PTAR1: variants seen among roughly 807,000 people sequenced by gnomAD.
PTAR1 encodes protein prenyltransferase alpha subunit repeat-containing protein 1.
In PTAR1, 17 loss-of-function variants were observed where a neutral mutation model predicts 45.5. That is an observed-to-expected ratio of 0.37 (90% CI 0.26 to 0.56). The LOEUF (loss-of-function observed/expected upper bound fraction) is 0.56. Ranked by LOEUF, PTAR1 falls within the 20% of genes least tolerant of loss-of-function variation. The probability of loss-of-function intolerance (pLI) is 0.77; values close to 1 mark genes in which losing one functional copy is unlikely to be tolerated. For missense variants in PTAR1, 391 were observed against 476.3 expected (o/e 0.82, Z 1.67); for synonymous variants, 169 against 171.3 (o/e 0.99, Z 0.11).
At chr9:69,748,600 C>T (rs1365453430) in intron 2 of PTAR1, among the ~76,000 whole-genome samples, 1 of 152,100 alleles carries the variant, frequency 6.6e-6, no homozygotes, top group Admixed American at 6.6e-5. Context: ...ATCGATCACA[C>T]AGACAGACAT....
intron 5 of PTAR1, among the ~76,000 whole-genome samples, chr9:69,726,431 T>A (rs2134092279): frequency 6.6e-6 from 1 of 152,216 alleles, no homozygotes; most frequent in African/African-American, 2.4e-5. Flanking sequence ...TCTACTCTTG[T>A]ATAAGTAACA....
chr9:69,740,092 A>T (rs1437075907), intron 3 of PTAR1, among the ~76,000 whole-genome samples: 1 of 152,216 alleles, frequency 6.6e-6, no homozygotes. Context: ...TTAACTTATG[A>T]AACAGGACTA....
chr9:69,718,148 G>T lies in PTAR1; in HGVS notation c.*194C>A. The T allele has an allele frequency of 2.0e-6, 1 of 509,108 alleles. No individual in the cohort carries two copies. Among genetic ancestry groups the T allele is most frequent in the Non-Finnish European group, 3.5e-6 (1 of 287,558 alleles). The allele number at this position is 509,108 out of a possible 1,614,324, so 31.5% of individuals were successfully genotyped here. A position where few individuals can be genotyped will look rare whatever the true frequency, so the allele number is the denominator to read the frequency against. The stretch of plus-strand genomic sequence containing the variant: ...GCTGTTCAGCAGGAAGGAACTATAC[G>T]ATTATTTTATCCCCACAGGAATGCC... On this transcript the variant is annotated 3_prime_UTR_variant, in exon 8 of 8. Coordinates refer to ENST00000340434, the MANE Select transcript of PTAR1 (RefSeq NM_001099666.2).
intron 3 of PTAR1, among the ~76,000 whole-genome samples, chr9:69,736,492 G>T (rs944096977): frequency 6.6e-6 from 1 of 152,152 alleles, no homozygotes; most frequent in Non-Finnish European, 1.5e-5. Context: ...AGGAGGCAGA[G>T]GTTGCAGTGA....
rs1405630672 is a variant in PTAR1, at chr9:69,712,857, G to C, written c.*5485C>G. 6.6e-6 allele frequency: 1 copy of C among 152,018 alleles called. No homozygotes were observed. The highest frequency in any genetic ancestry group is 1.5e-5 in the Non-Finnish European group (1 of 67,996). 9.4% of individuals were successfully genotyped at this position (152,018 alleles called of 1,614,324 possible). On this transcript the variant is annotated 3_prime_UTR_variant, in exon 8 of 8. Transcript: ENST00000340434. ...AGAAGACACGAGAATGTTCATACTA[G>C]AGCCATAGGGACCAAAGCAGCAAGA...
chr9:69,744,787 C>T (rs1264530998), intron 2 of PTAR1, among the ~76,000 whole-genome samples: 1 of 152,146 alleles, frequency 6.6e-6, no homozygotes, highest in Non-Finnish European at 1.5e-5. Flanking sequence ...AATACATGTT[C>T]AAATTATTCA....
rs1483649214 is a variant in PTAR1, at chr9:69,712,936, T to A, written c.*5406A>T. The A allele has an allele frequency of 6.6e-6, 1 of 152,126 alleles. No individual in the cohort carries two copies. Among genetic ancestry groups the A allele is most frequent in the Non-Finnish European group, 1.5e-5 (1 of 68,002 alleles). The allele number at this position is 152,126 out of a possible 1,614,324, so 9.4% of individuals were successfully genotyped here. A position where few individuals can be genotyped will look rare whatever the true frequency, so the allele number is the denominator to read the frequency against. ...ACTAGCTACTGTACTGGTAATAGTT[T>A]ATAAAAAATACGATCTATACTAAAA... is the stretch of plus-strand genomic sequence containing the variant. On this transcript the variant is annotated 3_prime_UTR_variant, in exon 8 of 8. Transcript: ENST00000340434.
At chr9:69,729,510 C>T (rs1407486172) in intron 5 of PTAR1, among the ~76,000 whole-genome samples, 1 of 152,088 alleles carries the variant, frequency 6.6e-6, no homozygotes, top group East Asian at 1.9e-4. Flanking sequence ...ACTATAAATG[C>T]TACTTTTATA....
At chr9:69,754,532 C>CTTTTTTTTTTTTTTTTTTT (rs60025062) in intron 1 of PTAR1, among the ~76,000 whole-genome samples, 5 of 76,258 alleles carry the variant, frequency 6.6e-5, no homozygotes, top group Non-Finnish European at 9.6e-5. Flanking sequence ...GGGTATATAT[C>CTTTTTTTTTTTTTTTTTTT]TTTTTTTTTT....
intron 1 of PTAR1, among the ~76,000 whole-genome samples, chr9:69,756,770 C>G (rs1203058506): frequency 6.6e-6 from 1 of 152,190 alleles, no homozygotes; most frequent in East Asian, 1.9e-4. Flanking sequence ...ACTTGCTCAT[C>G]ATGCTCCTAT....
At chr9:69,759,405 T>A (rs568291956) in intron 1 of PTAR1, among the ~76,000 whole-genome samples, 1 of 152,212 alleles carries the variant, frequency 6.6e-6, no homozygotes, top group South Asian at 2.1e-4. Context: ...ACTGAGGGGT[T>A]TGAGGCTCAT....
rs1268561773 is a variant in PTAR1, at chr9:69,718,251, A to G, written c.*91T>C. ...AAGACGAAGAACATATGGTTAGCCA[A>G]TAATAGTAAACAGTTCATGCAACTA... On this transcript the variant is annotated 3_prime_UTR_variant, in exon 8 of 8. Transcript: ENST00000340434. 1.2e-6 allele frequency: 1 copy of G among 847,106 alleles called. No individual in the cohort carries two copies. The highest frequency in any genetic ancestry group is 2.7e-5 in the East Asian group (1 of 37,412). The allele number at this position is 847,106 out of a possible 1,614,324, so 52.5% of individuals were successfully genotyped here.
rs1430449995 is a variant in PTAR1 at position 69,713,711 on chromosome 9, CTATT to C, written c.*4627_*4630del. The C allele has an allele frequency of 2.0e-5, 3 of 152,110 alleles. No homozygotes were observed. The highest frequency in any genetic ancestry group is 4.4e-5 in the Non-Finnish European group (3 of 68,014). 9.4% of individuals were successfully genotyped at this position (152,110 alleles called of 1,614,324 possible). On this transcript the variant is annotated 3_prime_UTR_variant, in exon 8 of 8. Coordinates refer to ENST00000340434, the MANE Select transcript of PTAR1 (RefSeq NM_001099666.2). ...CTTTGGACGCAGGTTTCAGGCTAAT[CTATT>C]TGTGCACACACCATCCTCTAAATGG... is the stretch of plus-strand genomic sequence containing the variant.
intron 1 of PTAR1, chr9:69,758,547 G>A (rs1826903370): frequency 5.1e-6 from 1 of 197,496 alleles, no homozygotes; most frequent in Non-Finnish European, 1.1e-5. Context: ...AAAGGCAGCA[G>A]TCATAAGGGG....
intron 3 of PTAR1, among the ~76,000 whole-genome samples, chr9:69,735,901 A>G (rs1745049267): frequency 6.7e-6 from 1 of 150,012 alleles, no homozygotes; most frequent in South Asian, 2.1e-4. Context: ...GAAAACAACT[A>G]TTTTCCTTTC....
At chr9:69,734,624 C>T (rs926320961) in intron 3 of PTAR1, among the ~76,000 whole-genome samples, 2 of 152,040 alleles carry the variant, frequency 1.3e-5, no homozygotes, top group Non-Finnish European at 2.9e-5. Context: ...AGGGCCAATC[C>T]AATACCAGCC....
In PTAR1 at chr9:69,741,524, C is replaced by CAA. The variant is rs34988909; in HGVS notation, c.323+266_323+267dup. On this transcript the variant is annotated intron_variant, in intron 3 of 7. Coordinates refer to ENST00000340434, the MANE Select transcript of PTAR1 (RefSeq NM_001099666.2). Reference sequence around the variant, plus strand: ...CCCATTGCCCATTAGTCTCCCACCCCAAAAAATGAAGGAAAATAAAAGCAT... The same window carrying CAA: ...CCCATTGCCCATTAGTCTCCCACCCCAAAAAAAATGAAGGAAAATAAAAGCAT... 8.0e-6 allele frequency: 3 copies of CAA among 373,410 alleles called. No homozygotes were observed. In the South Asian group the frequency reaches 1.1e-4, roughly 14 times the overall value. 23.1% of individuals were successfully genotyped at this position (373,410 alleles called of 1,614,324 possible). A position where few individuals can be genotyped will look rare whatever the true frequency, so the allele number is the denominator to read the frequency against.
intron 2 of PTAR1, among the ~76,000 whole-genome samples, chr9:69,744,575 G>A (rs1826187790): frequency 2.0e-5 from 3 of 151,814 alleles, no homozygotes; most frequent in Admixed American, 1.3e-4. Flanking sequence ...TAGTAGAGAC[G>A]GTGTTTCACC....
intron 6 of PTAR1, among the ~76,000 whole-genome samples, chr9:69,722,881 G>A (rs1825085031): frequency 6.7e-6 from 1 of 149,636 alleles, no homozygotes; most frequent in Non-Finnish European, 1.5e-5. Context: ...CGAGATTGCA[G>A]TGAGCCGAGA....
Sources: gnomAD v4.1 joint callset for allele counts (sites outside exome capture counted in the v4.1 genomes callset) on GRCh38, gnomAD v4.1.1 for gene constraint, MANE v1.5 for transcripts, NCBI Gene and HGNC (gene_info 2026-07-23, HGNC 2026-07-21) for gene names.